The following RNF150 variants were observed in gnomAD, a reference collection of about 807,000 sequenced individuals.
The protein encoded by RNF150 is ring finger protein 150.
A neutral mutation model predicts 39.3 loss-of-function variants in RNF150; 24 were observed. The observed-to-expected ratio is 0.61, with a 90% CI of 0.44 to 0.86. RNF150 has a LOEUF of 0.86. RNF150 is among the 40% of genes least tolerant of loss of function. RNF150 has a pLI of 0.00. For synonymous variants in RNF150, 255 were observed against 227.3 expected (o/e 1.12, Z -1.10); for missense variants, 502 against 587.8 (o/e 0.85, Z 1.51).
chr4:141,010,370 G>T (rs1578628055), intron 1 of RNF150, among the ~76,000 whole-genome samples: 1 of 152,206 alleles, frequency 6.6e-6, no homozygotes, highest in Admixed American at 6.5e-5. Context: ...TCAGAGTTTT[G>T]ATTTACTCAG....
chr4:140,903,983 T>C (rs1019930108), intron 6 of RNF150, among the ~76,000 whole-genome samples: 1 of 152,214 alleles, frequency 6.6e-6, no homozygotes, highest in Non-Finnish European at 1.5e-5. Flanking sequence ...GAGTGGGCTT[T>C]CTTGGATTGG....
Position 140,884,054 on chromosome 4 carries a change from C to G in RNF150, c.1199-15675G>C, listed in dbSNP as rs551161494. 3.9e-5 allele frequency among the ~76,000 whole-genome samples: 6 copies of G among 152,070 alleles called. No individual in the cohort carries two copies. In the East Asian group the frequency reaches 9.7e-4, roughly 25 times the overall value. On this transcript the variant is annotated intron_variant, in intron 6 of 6. Transcript: ENST00000515673. ...TCACTGATTCTTCCTTCTGTTTAAT[C>G]AAGTCTGCTGTTAATCTCCCTCAGT...
intron 2 of RNF150, among the ~76,000 whole-genome samples, chr4:140,959,126 G>A (rs1732908683): frequency 6.6e-6 from 1 of 152,078 alleles, no homozygotes; most frequent in Admixed American, 6.6e-5. Flanking sequence ...ATGGTCCTAT[G>A]TACTTAATAC....
chr4:141,057,196 T>TTGCATA (rs1312963483), intron 1 of RNF150, among the ~76,000 whole-genome samples: 1 of 152,092 alleles, frequency 6.6e-6, no homozygotes, highest in Non-Finnish European at 1.5e-5. Flanking sequence ...AAACAGTGCC[T>TTGCATA]TGCATATGGC....
chr4:141,156,400 C>T (rs1409548066), intron 1 of RNF150, among the ~76,000 whole-genome samples: 1 of 152,058 alleles, frequency 6.6e-6, no homozygotes, highest in Non-Finnish European at 1.5e-5. Context: ...CCTGCCTCAT[C>T]CTCCTGAGTA....
At chr4:140,956,384 G>A (rs1732754993) in intron 2 of RNF150, among the ~76,000 whole-genome samples, 1 of 152,166 alleles carries the variant, frequency 6.6e-6, no homozygotes, top group Non-Finnish European at 1.5e-5. Context: ...GGGGACAGGA[G>A]AACTGTCCAT....
intron 1 of RNF150, among the ~76,000 whole-genome samples, chr4:141,079,324 G>A (rs1490197483): frequency 6.6e-6 from 1 of 152,032 alleles, no homozygotes; most frequent in African/African-American, 2.4e-5. Context: ...ACAATAGTAG[G>A]CCATTAAAAC....
At chr4:141,064,118 C>T (rs1737359215) in intron 1 of RNF150, among the ~76,000 whole-genome samples, 1 of 151,932 alleles carries the variant, frequency 6.6e-6, no homozygotes, top group South Asian at 2.1e-4. Context: ...AAAAGTTCTA[C>T]TTAATAATTA....
At chr4:140,953,522 ATT>A (rs3033157) in intron 2 of RNF150, among the ~76,000 whole-genome samples, 75,498 of 150,378 alleles carry the variant, frequency 0.5, 19,291 homozygotes, top group Non-Finnish European at 0.54. Context: ...GTAATAAAAG[ATT>A]TTTTTTTTTT....
chr4:140,975,878 G>C (rs1044721547), intron 1 of RNF150, among the ~76,000 whole-genome samples: 3 of 152,114 alleles, frequency 2.0e-5, no homozygotes, highest in Non-Finnish European at 4.4e-5. Context: ...CTGAGGCATT[G>C]CTGAAGTTCC....
At chr4:140,910,995 T>A in intron 6 of RNF150, 149 bp downstream of exon 6, 1 of 674,332 alleles carries the variant, frequency 1.5e-6, no homozygotes, top group Non-Finnish European at 2.5e-6. Flanking sequence ...GAAAGGCAGT[T>A]CTTCTAACAG....
At chr4:141,034,376 T>C (rs1364905135) in intron 1 of RNF150, among the ~76,000 whole-genome samples, 1 of 152,186 alleles carries the variant, frequency 6.6e-6, no homozygotes, top group Admixed American at 6.6e-5. Context: ...AAGGGAATGT[T>C]GTAGCTGGTT....
In RNF150 at chr4:140,988,505, A is replaced by T. The variant is rs143449730; in HGVS notation, c.485-20632T>A. ...CACAAATATATATATATATTTTATT[A>T]TACTTTAAGTTCTAGGGTACATGTG... is the stretch of plus-strand genomic sequence containing the variant. On this transcript the variant is annotated intron_variant, in intron 1 of 6. Transcript: ENST00000515673. Among the ~76,000 whole-genome samples, 706 of 152,204 alleles carry T rather than the reference A, an allele frequency of 4.6e-3. 6 individuals carry two copies. Among genetic ancestry groups the T allele is most frequent in the African/African-American group, 0.016 (674 of 41,550 alleles).
At chr4:141,017,114 TATG>T in intron 1 of RNF150, among the ~76,000 whole-genome samples, 1 of 152,190 alleles carries the variant, frequency 6.6e-6, no homozygotes, top group South Asian at 2.1e-4. Flanking sequence ...TCAACTCTAT[TATG>T]ATCTAGTTCT....
intron 1 of RNF150, among the ~76,000 whole-genome samples, chr4:141,007,045 A>G (rs972557271): frequency 2.6e-5 from 4 of 152,238 alleles, no homozygotes; most frequent in Admixed American, 1.3e-4. Context: ...AAAATTTTCA[A>G]TCTTTGCATT....
At position 140,910,215 on chromosome 4, in the gene RNF150, C is replaced by G. The variant is rs114779334; in HGVS notation, c.1198+929G>C. 9.7e-3 allele frequency among the ~76,000 whole-genome samples: 1,477 copies of G among 152,218 alleles called. 29 individuals are homozygous for G. Among genetic ancestry groups the G allele is most frequent in the African/African-American group, 0.033 (1,389 of 41,532 alleles). On this transcript the variant is annotated intron_variant, in intron 6 of 6. Transcript: ENST00000515673. ...AAAGACCAACTTCAAAGAAAATACCCTCAAATGCTTCAATCTGCTTTTCTA... is the reference window on the plus strand; with the variant it reads ...AAAGACCAACTTCAAAGAAAATACCGTCAAATGCTTCAATCTGCTTTTCTA...
At chr4:141,208,953 A>T (rs6851044) in intron 1 of RNF150, among the ~76,000 whole-genome samples, 37,015 of 152,090 alleles carry the variant, frequency 0.24, 5,033 homozygotes, top group East Asian at 0.62. Flanking sequence ...CAGATACTAT[A>T]CATCCTGTAG....
Position 141,180,870 on chromosome 4 carries a change from G to A in RNF150, c.-6+31924C>T, listed in dbSNP as rs371708570. ...TACTGCAATTCCTAGAGTAATAAAT[G>A]TAGATGTTTACACCAGGTTACAGTA... On this transcript the variant is annotated intron_variant, in intron 1 of 7. Coordinates refer to the RNF150 transcript ENST00000420921. Among the ~76,000 whole-genome samples the A allele has an allele frequency of 2.0e-3, 297 of 152,200 alleles. 1 individual carries two copies. In the South Asian group the frequency reaches 0.022, roughly 11 times the overall value.
intron 1 of RNF150, among the ~76,000 whole-genome samples, chr4:141,171,016 C>T (rs1727707763): frequency 1.3e-5 from 2 of 152,098 alleles, no homozygotes; most frequent in Admixed American, 6.6e-5. Flanking sequence ...GATAATCTTT[C>T]TCCAAGGAAA....
Sources: allele counts gnomAD v4.1 joint callset (sites outside exome capture counted in the v4.1 genomes callset), GRCh38; gene constraint gnomAD v4.1.1; transcripts MANE v1.5; gene names NCBI Gene and HGNC (gene_info 2026-07-23, HGNC 2026-07-21).